Variants in FBN1 observed in about 807,000 individuals in gnomAD.
FBN1 encodes the protein fibrillin 1.
FBN1 carries 29 observed loss-of-function variants against 365.1 expected under a neutral mutation model. The ratio of observed to expected loss-of-function variants is 0.08; its 90% CI spans 0.06 to 0.11. FBN1 has a LOEUF of 0.11. FBN1 is among the 10% of genes least tolerant of loss of function. FBN1 has a pLI of 1.00. For synonymous variants in FBN1, 1,210 were observed against 1,270.5 expected (o/e 0.95, Z 1.01); for missense variants, 2,476 against 3,703.2 (o/e 0.67, Z 8.60).
intron 2 of FBN1, among the ~76,000 whole-genome samples, chr15:48,634,414 G>A (rs1418304363): frequency 6.6e-6 from 1 of 152,152 alleles, no homozygotes. Context: ...CAGGTCGCCT[G>A]GTCCCAATGC....
intron 2 of FBN1, 113 bp from the exon 3 acceptor site, chr15:48,613,205 G>T: frequency 1.3e-6 from 1 of 790,684 alleles, no homozygotes; most frequent in Non-Finnish European, 2.2e-6. Context: ...AATCCTGGCA[G>T]ACAGATAAAG....
At chr15:48,450,286 G>C (rs1427482233) in intron 45 of FBN1, among the ~76,000 whole-genome samples, 2 of 152,178 alleles carry the variant, frequency 1.3e-5, no homozygotes, top group Non-Finnish European at 2.9e-5. Context: ...TCATATCTGA[G>C]TTCCACAAGG....
rs576231050 is a variant in FBN1 at position 48,526,022 on chromosome 15, T to C, written c.988+108A>G. ...AACATTTTTCCAAAAATGTACATTT[T>C]ACCTCAGTTGATAAATTATATGTGC... On this transcript the variant is annotated intron_variant, in intron 9 of 65. Transcript: ENST00000316623. The C allele has an allele frequency of 1.1e-5, 16 of 1,434,434 alleles. No individual in the cohort carries two copies. In the East Asian group the frequency reaches 3.4e-4, roughly 31 times the overall value. The allele number at this position is 1,434,434 out of a possible 1,614,324, so 88.9% of individuals were successfully genotyped here.
chr15:48,427,619 C>T lies in FBN1; in HGVS notation c.7152G>A (p.Val2384=). 6.2e-7 allele frequency: 1 copy of T among 1,614,152 alleles called. No homozygotes were observed. The highest frequency in any genetic ancestry group is 1.1e-5 in the South Asian group (1 of 91,092). ...CATGGGGACAGAGTTTCTTGAAAGC[C>T]ACAGTCCCCTGGAAAGGGCAGATCT... ...HCEICPFQGT[V]AFKKLCPHGR... The change falls in exon 58 of 66, where the codon GTG becomes GTA. Residue 2384 remains valine, a synonymous_variant. Coordinates refer to ENST00000316623, the MANE Select transcript of FBN1 (RefSeq NM_000138.5).
chr15:48,418,103 A>G (rs2042915428), intron 63 of FBN1, among the ~76,000 whole-genome samples: 1 of 152,246 alleles, frequency 6.6e-6, no homozygotes, highest in Non-Finnish European at 1.5e-5. Context: ...AATTAGAGGG[A>G]GGAGAAATGA....
Position 48,600,159 on chromosome 15 carries a change from A to G in FBN1, c.422T>C (p.Ile141Thr). Residue 141 changes from isoleucine (I) to threonine (T), a missense_variant, in exon 5 of 66, where the codon ATA (isoleucine) becomes ACA (threonine). Physicochemically the swap from Ile to Thr is moderately conservative, Grantham distance 89. This residue lies in a region of FBN1 where 421 missense variants were observed against 520.1 expected (regional missense o/e 0.81). Coordinates refer to ENST00000316623, the MANE Select transcript of FBN1 (RefSeq NM_000138.5). Reference protein sequence around the residue: ...DDHCLCQKGYIGTHCGQPVCE... With the variant: ...DDHCLCQKGYTGTHCGQPVCE... ...CTTACGTTGTCCACAGTGAGTCCCT[A>G]TGTATCCTTTCTGGCATAGACAGTG... 1 of 1,613,082 alleles carries G rather than the reference A, an allele frequency of 6.2e-7. No homozygotes were observed.
chr15:48,440,282 G>T (rs1436775999), intron 50 of FBN1, among the ~76,000 whole-genome samples: 1 of 152,198 alleles, frequency 6.6e-6, no homozygotes, highest in African/African-American at 2.4e-5. Context: ...CTGGAGCTGA[G>T]CATGTGGCAG....
intron 35 of FBN1, 34 bp downstream of exon 35, chr15:48,472,517 C>T: frequency 1.2e-6 from 2 of 1,613,144 alleles, no homozygotes; most frequent in Non-Finnish European, 1.7e-6. Flanking sequence ...TCATCAAGCC[C>T]AGCAAGGCTC....
rs112433298 is a variant in FBN1, at chr15:48,483,674, T to C, written c.3838+144A>G. The C allele has an allele frequency of 2.0e-5, 18 of 896,260 alleles. 1 individual carries two copies. The highest frequency in any genetic ancestry group is 2.0e-4 in the African/African-American group (12 of 60,552). The allele number at this position is 896,260 out of a possible 1,614,324, so 55.5% of individuals were successfully genotyped here. On this transcript the variant is annotated intron_variant, in intron 31 of 65. Coordinates refer to ENST00000316623, the MANE Select transcript of FBN1 (RefSeq NM_000138.5). ...CACAAGAAAGCTCTCTTTGGAATGC[T>C]GGTTAAAATATGAGTATTGTGCCTC...
intron 2 of FBN1, 152 bp downstream of exon 2, chr15:48,644,454 G>C: frequency 9.9e-7 from 1 of 1,012,470 alleles, no homozygotes; most frequent in Non-Finnish European, 1.5e-6. Context: ...GTTTAACCAC[G>C]AACGGGGTGG....
chr15:48,508,162 A>G (rs1566914751), intron 15 of FBN1, among the ~76,000 whole-genome samples: 2 of 152,186 alleles, frequency 1.3e-5, no homozygotes, highest in South Asian at 2.1e-4. Flanking sequence ...ATCATTGCAA[A>G]TAACAGTCTA....
chr15:48,643,313 T>G (rs961313660), intron 2 of FBN1: 1 of 152,202 alleles, frequency 6.6e-6, no homozygotes, highest in Admixed American at 6.5e-5. Flanking sequence ...CCTTCCAACA[T>G]TATCGGAATT....
At chr15:48,481,992 A>G (rs1213490330) in intron 31 of FBN1, among the ~76,000 whole-genome samples, 1 of 152,192 alleles carries the variant, frequency 6.6e-6, no homozygotes, top group East Asian at 1.9e-4. Flanking sequence ...CTGGCCCATA[A>G]GCAGCAGGCC....
At chr15:48,525,625 T>A (rs1332155478) in intron 9 of FBN1, among the ~76,000 whole-genome samples, 1 of 152,206 alleles carries the variant, frequency 6.6e-6, no homozygotes, top group Non-Finnish European at 1.5e-5. Context: ...TGAAAACCAC[T>A]AATTTCTAAG....
chr15:48,494,181 G>C, intron 23 of FBN1, 23 bp downstream of exon 23: 1 of 1,583,494 alleles, frequency 6.3e-7, no homozygotes, highest in Non-Finnish European at 8.7e-7. Flanking sequence ...AAAAATGTAT[G>C]GTTTATAAGT....
In FBN1 at chr15:48,468,099, G is replaced by A. The variant is rs794728227; in HGVS notation, c.4586C>T (p.Thr1529Ile). The change falls in exon 38 of 66, where the codon ACC becomes ATC. Residue 1529 changes from threonine (T) to isoleucine (I), a missense_variant. Physicochemically the swap from Thr to Ile is moderately conservative, Grantham distance 89. Transcript: ENST00000316623. ...ATCCAAATAGCAATTTCCAGAGCGG[G>A]TATCTATTTACCATATACAAACACA... is the stretch of plus-strand genomic sequence containing the variant. Reference protein sequence around the residue: ...LNPTRVGCVDTRSGNCYLDIR... With the variant: ...LNPTRVGCVDIRSGNCYLDIR... 1.2e-6 allele frequency: 2 copies of A among 1,613,994 alleles called. No homozygotes were observed. Among genetic ancestry groups the A allele is most frequent in the South Asian group, 1.1e-5 (1 of 91,070 alleles).
At chr15:48,571,346 T>C (rs2044304175) in intron 6 of FBN1, among the ~76,000 whole-genome samples, 1 of 152,036 alleles carries the variant, frequency 6.6e-6, no homozygotes, top group Non-Finnish European at 1.5e-5. Context: ...GATTAAAGCA[T>C]CAAATATATT....
chr15:48,551,725 C>T (rs930030222), intron 6 of FBN1, among the ~76,000 whole-genome samples: 1 of 152,132 alleles, frequency 6.6e-6, no homozygotes, highest in African/African-American at 2.4e-5. Context: ...ATGCGTCCAT[C>T]TGTTCTCATC....
In FBN1 at chr15:48,508,655, G is replaced by C; in HGVS notation, c.1764C>G (p.Ile588Met). ...TACATTTAAAACTGCCATCTTCATT[G>C]ATACACATTCCATTAAGGCACATGT... ...IRNMCLNGMCINEDGSFKCIC... is the reference protein window; with the variant it reads ...IRNMCLNGMCMNEDGSFKCIC... Residue 588 changes from isoleucine (I) to methionine (M), a missense_variant, in exon 15 of 66, where the codon ATC becomes ATG. This residue lies in a region of FBN1 where 1,780 missense variants were observed against 2,840.8 expected (regional missense o/e 0.63). Transcript: ENST00000316623. The C allele has an allele frequency of 4.3e-6, 7 of 1,613,772 alleles. No individual in the cohort carries two copies. Among genetic ancestry groups the C allele is most frequent in the Non-Finnish European group, 5.9e-6 (7 of 1,179,726 alleles).
Sources: gnomAD v4.1 joint callset for allele counts (sites outside exome capture counted in the v4.1 genomes callset) on GRCh38, gnomAD v4.1.1 for gene constraint, gnomAD v4.1.1 regional missense constraint, MANE v1.5 for transcripts, NCBI Gene and HGNC (gene_info 2026-07-23, HGNC 2026-07-21) for gene names.